The following PLA2R1 variants were observed in gnomAD, a reference collection of about 807,000 sequenced individuals.
PLA2R1 encodes secretory phospholipase A2 receptor.
Under a neutral mutation model 195.9 loss-of-function variants are expected in PLA2R1, and 158 were observed. The observed-to-expected ratio is 0.81, with a 90% CI of 0.71 to 0.92. PLA2R1 has a LOEUF of 0.92. Ranked by LOEUF, PLA2R1 falls within the 40% of genes least tolerant of loss-of-function variation. The pLI, the probability that PLA2R1 is intolerant of heterozygous loss-of-function variation, is 0.00. For synonymous variants in PLA2R1, 586 were observed against 598.2 expected, an observed-to-expected ratio of 0.98 and a Z score of 0.30; for missense variants, 1,626 against 1,764.6, an observed-to-expected ratio of 0.92 and a Z score of 1.41.
rs1328750061 is a variant in PLA2R1 at position 159,937,587 on chromosome 2, C to T, written c.*4191G>A. ...ATAAATCAAGCCTTGGGACTTTCTT[C>T]TGGATAACATAAGATGTTAGGTTCT... On this transcript the variant is annotated 3_prime_UTR_variant, in exon 30 of 30. Coordinates refer to ENST00000283243, the MANE Select transcript of PLA2R1 (RefSeq NM_007366.5). 6.6e-6 allele frequency: 1 copy of T among 152,234 alleles called. No individual in the cohort carries two copies. Among genetic ancestry groups the T allele is most frequent in the Non-Finnish European group, 1.5e-5 (1 of 68,040 alleles). 9.4% of individuals were successfully genotyped at this position (152,234 alleles called of 1,614,324 possible).
chr2:159,951,532 G>T lies in PLA2R1; in HGVS notation c.3348C>A (p.Pro1116=), dbSNP rs1371981253. 1 of 1,602,180 alleles carries T rather than the reference G, an allele frequency of 6.2e-7. No homozygotes were observed. ...GVNTSDMYPM[P]NTLEYGNRTY... is the part of the protein sequence containing the mutation. Reference sequence around the variant, plus strand: ...TTCTGTTTCCATATTCTAAGGTATTGGGCATTGGATACATATCAGATGTAT... The same window carrying T: ...TTCTGTTTCCATATTCTAAGGTATTTGGCATTGGATACATATCAGATGTAT... Residue 1116 remains proline (P), a synonymous_variant, in exon 24 of 30, where the codon CCC becomes CCA. Coordinates refer to ENST00000283243, the MANE Select transcript of PLA2R1 (RefSeq NM_007366.5).
rs768686990 is a variant in PLA2R1 at position 159,956,671 on chromosome 2, C to G, written c.2905-44G>C. On this transcript the variant is annotated intron_variant, in intron 20 of 29. Transcript: ENST00000283243. ...ACAAAACATTCATTTCTGTATCTTT[C>G]TAAGTGAATTAAAAATTTCCCAAAG... 7 of 1,138,726 alleles carry G rather than the reference C, an allele frequency of 6.1e-6. No individual in the cohort carries two copies. The African/African-American group carries it at 9.2e-5, about 15-fold the overall frequency. 70.5% of individuals were successfully genotyped at this position (1,138,726 alleles called of 1,614,324 possible).
At position 160,042,800 on chromosome 2, in the gene PLA2R1, CGTGTGTGTGTGTGTGTGT is replaced by C. The variant is rs111414981; in HGVS notation, c.494-620_494-603del. 8.1e-3 allele frequency among the ~76,000 whole-genome samples: 969 copies of C among 119,698 alleles called. 9 individuals carry two copies. Among genetic ancestry groups the C allele is most frequent in the Non-Finnish European group, 0.014 (735 of 53,558 alleles). 78.5% of individuals were successfully genotyped at this position (119,698 alleles called of 152,430 possible). A position where few individuals can be genotyped will look rare whatever the true frequency, so the allele number is the denominator to read the frequency against. On this transcript the variant is annotated intron_variant, in intron 2 of 29. Coordinates refer to ENST00000283243, the MANE Select transcript of PLA2R1 (RefSeq NM_007366.5). Reference sequence around the variant, plus strand: ...GAAGACAGAGTGGGGTGTGTGTGTGCGTGTGTGTGTGTGTGTGTGTGTGTGTGTGTGTGTGTGTGTGTA... The same window carrying C: ...GAAGACAGAGTGGGGTGTGTGTGTGCGTGTGTGTGTGTGTGTGTGTGTGTA...
intron 3 of PLA2R1, among the ~76,000 whole-genome samples, chr2:160,037,074 A>G (rs998466565): frequency 6.6e-6 from 1 of 152,152 alleles, no homozygotes; most frequent in African/African-American, 2.4e-5. Flanking sequence ...CAGTTTATCT[A>G]CAAGTTAGAT....
rs3828323 is a variant in PLA2R1, at chr2:159,951,564, C to T, written c.3316G>A (p.Gly1106Ser). 680,312 of 1,533,322 alleles carry T rather than the reference C, an allele frequency of 0.44. 163,322 individuals are homozygous for T. The highest frequency in any genetic ancestry group is 0.5 in the Non-Finnish European group (547,681 of 1,104,590). The allele number at this position is 1,533,322 out of a possible 1,614,324, so 95.0% of individuals were successfully genotyped here. ...GGATACATATCAGATGTATTTACACCGTGTCCAGAAGTATCTAGAACAAGA... is the reference window on the plus strand; with the variant it reads ...GGATACATATCAGATGTATTTACACTGTGTCCAGAAGTATCTAGAACAAGA... The part of the protein sequence containing the change: ...CEKMQDTSGH[G>S]VNTSDMYPMP... Residue 1106 changes from glycine (G) to serine (S), a missense_variant, in exon 24 of 30, where the codon GGT (glycine) becomes AGT (serine). Physicochemically the swap from Gly to Ser is moderately conservative, Grantham distance 56. Coordinates refer to ENST00000283243, the MANE Select transcript of PLA2R1 (RefSeq NM_007366.5).
At position 159,966,943 on chromosome 2, in the gene PLA2R1, A is replaced by AT. The variant is rs200930996; in HGVS notation, c.2904+595dup. Among the ~76,000 whole-genome samples, 785 of 150,698 alleles carry AT rather than the reference A, an allele frequency of 5.2e-3. 5 individuals are homozygous for AT. The highest frequency in any genetic ancestry group is 0.018 in the African/African-American group (734 of 41,148). On this transcript the variant is annotated intron_variant, in intron 20 of 29. Coordinates refer to ENST00000283243, the MANE Select transcript of PLA2R1 (RefSeq NM_007366.5). ...CTGGTTTAAAATATCCCCACTGGCA[A>AT]TTTTTTTTTTCTTAATTCAAATCTG...
At chr2:160,013,131 C>T in intron 10 of PLA2R1, 132 bp downstream of exon 10, 1 of 420,148 alleles carries the variant, frequency 2.4e-6, no homozygotes, top group Non-Finnish European at 4.3e-6. Flanking sequence ...CAATAAATAA[C>T]TTAAATAATT....
At position 159,940,969 on chromosome 2, in the gene PLA2R1, C is replaced by T. The variant is rs1687058077; in HGVS notation, c.*809G>A. The T allele has an allele frequency of 6.6e-6, 1 of 152,034 alleles. No homozygotes were observed. Among genetic ancestry groups the T allele is most frequent in the African/African-American group, 2.4e-5 (1 of 41,388 alleles). The allele number at this position is 152,034 out of a possible 1,614,324, so 9.4% of individuals were successfully genotyped here. On this transcript the variant is annotated 3_prime_UTR_variant, in exon 30 of 30. Transcript: ENST00000283243. ...TTATATATTTAGTTTTTCAGAAAGTCCATGAGTTTTAACAGTACAACTGTT... is the reference window on the plus strand; with the variant it reads ...TTATATATTTAGTTTTTCAGAAAGTTCATGAGTTTTAACAGTACAACTGTT...
chr2:159,955,619 TA>T (rs113364241), intron 22 of PLA2R1, 78 bp downstream of exon 22: 7 of 655,888 alleles, frequency 1.1e-5, no homozygotes, highest in Non-Finnish European at 1.4e-5. Context: ...ATATAGGAAA[TA>T]AAAAAAGCTT....
At chr2:160,044,249 C>T (rs538376245) in intron 2 of PLA2R1, among the ~76,000 whole-genome samples, 24 of 152,186 alleles carry the variant, frequency 1.6e-4, no homozygotes, top group African/African-American at 4.6e-4. Flanking sequence ...AAATAACCCC[C>T]GACAATAGTC....
At chr2:159,931,410 TGC>T (rs1686583220), downstream of PLA2R1, among the ~76,000 whole-genome samples, 1 of 152,078 alleles carries the variant, frequency 6.6e-6, no homozygotes, top group African/African-American at 2.4e-5. Context: ...GGTATGTGCC[TGC>T]GGGCCCAGCT....
At chr2:160,016,577 G>A in intron 9 of PLA2R1, 37 bp downstream of exon 9, 2 of 961,002 alleles carry the variant, frequency 2.1e-6, no homozygotes, top group Non-Finnish European at 3.4e-6. Flanking sequence ...TAGCTATGAA[G>A]TCCCTGTACC....
At chr2:159,995,972 A>G (rs1254182820) in intron 11 of PLA2R1, among the ~76,000 whole-genome samples, 3 of 152,148 alleles carry the variant, frequency 2.0e-5, no homozygotes, top group African/African-American at 4.8e-5. Flanking sequence ...TCACTTGTAT[A>G]AAAGCAAATC....
chr2:160,053,013 A>C (rs62175515), intron 1 of PLA2R1, among the ~76,000 whole-genome samples: 4 of 152,060 alleles, frequency 2.6e-5, no homozygotes, highest in Non-Finnish European at 5.9e-5. Flanking sequence ...GCCATAACAA[A>C]ATACCACAAA....
At chr2:160,007,735 TAAAG>T (rs1035565471) in intron 10 of PLA2R1, among the ~76,000 whole-genome samples, 16 of 152,278 alleles carry the variant, frequency 1.1e-4, no homozygotes, top group Admixed American at 6.5e-4. Context: ...TGAAGGAAAT[TAAAG>T]AAGCCACAGA....
chr2:160,058,567 CT>C (rs35194404), intron 1 of PLA2R1, among the ~76,000 whole-genome samples: 8,251 of 152,290 alleles, frequency 0.054, 694 homozygotes, highest in African/African-American at 0.18. Context: ...TACTTGCCCC[CT>C]GATCATTTCC....
At chr2:160,049,599 G>A (rs911708425) in intron 1 of PLA2R1, among the ~76,000 whole-genome samples, 1 of 152,164 alleles carries the variant, frequency 6.6e-6, no homozygotes, top group East Asian at 1.9e-4. Flanking sequence ...GGGGCGTGGT[G>A]GCTCACACCT....
chr2:159,957,272 A>G (rs192926260), intron 20 of PLA2R1, among the ~76,000 whole-genome samples: 219 of 152,316 alleles, frequency 1.4e-3, no homozygotes, highest in Admixed American at 3.1e-3. Context: ...GAACACAGAA[A>G]AGGTTGTGGA....
chr2:160,003,291 A>G (rs1401340156), intron 11 of PLA2R1, among the ~76,000 whole-genome samples: 1 of 152,020 alleles, frequency 6.6e-6, no homozygotes. Flanking sequence ...TAGAAAATAT[A>G]AAAATCTACA....
Sources: allele counts gnomAD v4.1 joint callset (sites outside exome capture counted in the v4.1 genomes callset), GRCh38; gene constraint gnomAD v4.1.1; transcripts MANE v1.5; gene names NCBI Gene and HGNC (gene_info 2026-07-23, HGNC 2026-07-21).